The following MECOM variants were observed in gnomAD, a reference collection of about 807,000 sequenced individuals.
MECOM encodes the protein MDS1 and EVI1 complex locus.
MECOM carries 13 observed loss-of-function variants against 116.3 expected under a neutral mutation model. That is an observed-to-expected ratio of 0.11 (90% CI 0.07 to 0.18). The LOEUF (loss-of-function observed/expected upper bound fraction) is 0.18, where lower values mean the gene tolerates loss of function less well. Ranked by LOEUF, MECOM falls within the 10% of genes least tolerant of loss-of-function variation. The probability of loss-of-function intolerance (pLI) is 1.00; values close to 1 mark genes in which losing one functional copy is unlikely to be tolerated. For missense variants in MECOM, 1,299 were observed against 1,509.0 expected, an observed-to-expected ratio of 0.86 and a Z score of 2.31; for synonymous variants, 528 against 535.2, an observed-to-expected ratio of 0.99 and a Z score of 0.19.
At chr3:169,461,046 G>C (rs1178169404) in intron 1 of MECOM, among the ~76,000 whole-genome samples, 7 of 152,048 alleles carry the variant, frequency 4.6e-5, no homozygotes, top group Admixed American at 3.3e-4. Context: ...CCAGCTCCTA[G>C]AGAAAACCAA....
At chr3:169,176,031 G>T (rs1745104033) in intron 2 of MECOM, among the ~76,000 whole-genome samples, 1 of 151,534 alleles carries the variant, frequency 6.6e-6, no homozygotes, top group Non-Finnish European at 1.5e-5. Context: ...CAGTCTTTTG[G>T]CTTCCCTGGG....
intron 1 of MECOM, among the ~76,000 whole-genome samples, chr3:169,536,259 A>T (rs1198922203): frequency 6.6e-6 from 1 of 152,060 alleles, no homozygotes; most frequent in East Asian, 1.9e-4. Flanking sequence ...CCTTTGATAA[A>T]CACAGCAAAA....
chr3:169,232,390 A>T (rs1228951301), intron 2 of MECOM, among the ~76,000 whole-genome samples: 1 of 151,782 alleles, frequency 6.6e-6, no homozygotes, highest in Non-Finnish European at 1.5e-5. Flanking sequence ...CCACAAAAAA[A>T]GCTTTTGTTA....
chr3:169,292,370 G>A (rs9839095), intron 2 of MECOM, among the ~76,000 whole-genome samples: 28,324 of 152,042 alleles, frequency 0.19, 6,331 homozygotes, highest in African/African-American at 0.52. Flanking sequence ...AAACATAAAT[G>A]AAAAGATTGA....
intron 2 of MECOM, among the ~76,000 whole-genome samples, chr3:169,191,719 AAAAAGAAAGAAAGAAAGAAAGAG>A (rs879498571): frequency 0.065 from 2,468 of 38,110 alleles, 55 homozygotes; most frequent in Non-Finnish European, 0.096. Flanking sequence ...AAAGAAAGAA[AAAAAGAAAGAAAGAAAGAAAGAG>A]AAAGAAAGAA....
At chr3:169,291,988 T>C (rs1202592130) in intron 2 of MECOM, among the ~76,000 whole-genome samples, 1 of 152,226 alleles carries the variant, frequency 6.6e-6, no homozygotes, top group Non-Finnish European at 1.5e-5. Flanking sequence ...ACCATTTGTG[T>C]ATGAGGCATG....
chr3:169,473,331 T>C (rs1184449609), intron 1 of MECOM, among the ~76,000 whole-genome samples: 1 of 151,938 alleles, frequency 6.6e-6, no homozygotes, highest in Non-Finnish European at 1.5e-5. Flanking sequence ...ATATATGAGG[T>C]TCCCAGCCAC....
intron 2 of MECOM, chr3:169,147,041 G>C: frequency 2.0e-6 from 2 of 991,234 alleles, no homozygotes; most frequent in Non-Finnish European, 2.4e-6. Flanking sequence ...GGTGACCCGG[G>C]TTTGGTGTGT....
chr3:169,391,696 G>A (rs1734220828), intron 1 of MECOM, among the ~76,000 whole-genome samples: 1 of 152,058 alleles, frequency 6.6e-6, no homozygotes, highest in Non-Finnish European at 1.5e-5. Flanking sequence ...TTGAGAGGGG[G>A]TAATTTCAAC....
intron 1 of MECOM, among the ~76,000 whole-genome samples, chr3:169,505,104 A>C (rs1286181432): frequency 1.3e-5 from 2 of 152,168 alleles, no homozygotes; most frequent in African/African-American, 4.8e-5. Flanking sequence ...AAACATGTCT[A>C]AAACAAAAAT....
At chr3:169,124,224 C>T (rs546347180) in intron 5 of MECOM, among the ~76,000 whole-genome samples, 1 of 151,972 alleles carries the variant, frequency 6.6e-6, no homozygotes, top group Non-Finnish European at 1.5e-5. Flanking sequence ...GATGTAACTA[C>T]AAGTCTATAG....
intron 2 of MECOM, among the ~76,000 whole-genome samples, chr3:169,327,159 C>T (rs1721972167): frequency 6.6e-6 from 1 of 152,136 alleles, no homozygotes; most frequent in Non-Finnish European, 1.5e-5. Flanking sequence ...ATCAGCTCAT[C>T]TGAAACAAAT....
intron 5 of MECOM, among the ~76,000 whole-genome samples, chr3:169,127,463 T>C (rs1395848559): frequency 6.6e-6 from 1 of 152,146 alleles, no homozygotes; most frequent in East Asian, 1.9e-4. Context: ...GAATACCAGA[T>C]CTAGTCCTTT....
chr3:169,514,198 A>G (rs751149998), intron 1 of MECOM, among the ~76,000 whole-genome samples: 3 of 152,190 alleles, frequency 2.0e-5, no homozygotes, highest in Non-Finnish European at 4.4e-5. Context: ...AATTCCTAAT[A>G]TGCTTACAAC....
At chr3:169,342,939 T>C (rs1027262728) in intron 2 of MECOM, among the ~76,000 whole-genome samples, 12 of 152,124 alleles carry the variant, frequency 7.9e-5, no homozygotes, top group African/African-American at 2.4e-4. Context: ...TCAGTGGCAA[T>C]TGGACCCTTT....
At chr3:169,150,656 T>C (rs1284157597) in intron 2 of MECOM, among the ~76,000 whole-genome samples, 1 of 152,242 alleles carries the variant, frequency 6.6e-6, no homozygotes, top group Non-Finnish European at 1.5e-5. Flanking sequence ...AATGGAATGA[T>C]TCATCAGTGA....
At chr3:169,631,901 C>CTAGTGACATGGAACTACAAGGCTGAG (rs1283969109) in intron 1 of MECOM, among the ~76,000 whole-genome samples, 1 of 152,068 alleles carries the variant, frequency 6.6e-6, no homozygotes, top group Non-Finnish European at 1.5e-5. Flanking sequence ...AAACCCCAGG[C>CTAGTGACATGGAACTACAAGGCTGAG]TAGTGACATG....
At chr3:169,216,888 G>T (rs1367128572) in intron 2 of MECOM, among the ~76,000 whole-genome samples, 1 of 141,668 alleles carries the variant, frequency 7.1e-6, no homozygotes, top group African/African-American at 2.6e-5. Context: ...AGCTATCGCC[G>T]TGGCCACCAT....
intron 1 of MECOM, among the ~76,000 whole-genome samples, chr3:169,507,109 T>C (rs572671305): frequency 3.3e-5 from 5 of 152,338 alleles, no homozygotes; most frequent in African/African-American, 7.2e-5. Flanking sequence ...ATATAGACTG[T>C]TGGTCAACTA....
Sources: allele counts gnomAD v4.1 joint callset (sites outside exome capture counted in the v4.1 genomes callset), GRCh38; gene constraint gnomAD v4.1.1; transcripts MANE v1.5; gene names NCBI Gene and HGNC (gene_info 2026-07-23, HGNC 2026-07-21).